CNTNAP4: variants seen among roughly 807,000 people sequenced by gnomAD.
CNTNAP4 encodes the protein contactin associated protein family member 4, also known as contactin-associated protein-like 4.
CNTNAP4 carries 98 observed loss-of-function variants against 148.4 expected under a neutral mutation model. The observed-to-expected ratio is 0.66, with a 90% CI of 0.56 to 0.78. CNTNAP4 has a LOEUF of 0.78. Ranked by LOEUF, CNTNAP4 falls within the 30% of genes least tolerant of loss-of-function variation. The probability of loss-of-function intolerance (pLI) is 0.00; values close to 1 mark genes in which losing one functional copy is unlikely to be tolerated. For missense variants in CNTNAP4, 1,935 were observed against 1,565.6 expected (o/e 1.24, Z -3.98); for synonymous variants, 730 against 565.1 (o/e 1.29, Z -4.14).
chr16:76,424,374 C>A (rs2079302173), intron 3 of CNTNAP4, among the ~76,000 whole-genome samples: 1 of 152,096 alleles, frequency 6.6e-6, no homozygotes, highest in African/African-American at 2.4e-5. Context: ...GCCAGTGGCA[C>A]CTAGGAAATA....
rs569313218 is a variant in CNTNAP4 at position 76,321,305 on chromosome 16, G to A, written c.196+4782G>A. Among the ~76,000 whole-genome samples, 8 of 152,190 alleles carry A rather than the reference G, an allele frequency of 5.3e-5. No homozygotes were observed. In the South Asian group the frequency reaches 6.2e-4, roughly 12 times the overall value. On this transcript the variant is annotated intron_variant, in intron 2 of 23. Transcript: ENST00000611870. ...GAATAATTATAGCAATCTATATAGCGTTGTTTGGCAATTTTGACTGCCCTA... is the reference window on the plus strand; with the variant it reads ...GAATAATTATAGCAATCTATATAGCATTGTTTGGCAATTTTGACTGCCCTA...
At chr16:76,463,271 A>G (rs1366169253) in intron 9 of CNTNAP4, among the ~76,000 whole-genome samples, 1 of 152,194 alleles carries the variant, frequency 6.6e-6, no homozygotes, top group East Asian at 1.9e-4. Context: ...TAGAAGCAGT[A>G]AAAGAGATAA....
At chr16:76,474,682 G>GA (rs751329141) in intron 10 of CNTNAP4, among the ~76,000 whole-genome samples, 69 of 151,988 alleles carry the variant, frequency 4.5e-4, no homozygotes, top group Admixed American at 7.9e-4. Flanking sequence ...AATCCTAAAA[G>GA]GCATCAAAAA....
intron 17 of CNTNAP4, among the ~76,000 whole-genome samples, chr16:76,525,001 A>G (rs1410748105): frequency 3.3e-5 from 5 of 152,066 alleles, no homozygotes; most frequent in Non-Finnish European, 5.9e-5. Context: ...AGTCTTGGGT[A>G]GAGAAAATTA....
At chr16:76,416,271 C>G (rs556731555) in intron 3 of CNTNAP4, among the ~76,000 whole-genome samples, 256 of 151,242 alleles carry the variant, frequency 1.7e-3, no homozygotes, top group African/African-American at 6.0e-3. Context: ...ATTCTTTGTG[C>G]TCTAATTTTT....
intron 3 of CNTNAP4, among the ~76,000 whole-genome samples, chr16:76,386,217 T>C (rs891014743): frequency 6.6e-6 from 1 of 152,208 alleles, no homozygotes; most frequent in Admixed American, 6.5e-5. Context: ...AGAACTGTAA[T>C]TTACTATTTG....
chr16:76,483,846 G>C (rs967106350), intron 12 of CNTNAP4, among the ~76,000 whole-genome samples: 1 of 152,106 alleles, frequency 6.6e-6, no homozygotes, highest in Non-Finnish European at 1.5e-5. Flanking sequence ...AAGCATTGGG[G>C]TTACAAATAA....
intron 1 of CNTNAP4, among the ~76,000 whole-genome samples, chr16:76,311,104 G>A (rs1195952977): frequency 6.6e-6 from 1 of 151,976 alleles, no homozygotes; most frequent in African/African-American, 2.4e-5. Context: ...TATTATCTTA[G>A]TACAGGTAAT....
chr16:76,346,284 A>G (rs952259999), intron 2 of CNTNAP4, among the ~76,000 whole-genome samples: 2 of 152,128 alleles, frequency 1.3e-5, no homozygotes, highest in Admixed American at 6.6e-5. Context: ...TTGATATACT[A>G]TGCCCTAGTA....
At chr16:76,280,770 A>T (rs1055136284) in intron 1 of CNTNAP4, among the ~76,000 whole-genome samples, 27 of 152,106 alleles carry the variant, frequency 1.8e-4, no homozygotes. Context: ...GCTTGCTACT[A>T]AGAGACATGC....
At chr16:76,457,605 A>G (rs113014467) in intron 8 of CNTNAP4, among the ~76,000 whole-genome samples, 2,989 of 152,210 alleles carry the variant, frequency 0.02, 102 homozygotes, top group African/African-American at 0.069. Context: ...ATGACTGCCC[A>G]GAGCCCTGCT....
At chr16:76,285,796 G>A (rs760135760) in intron 1 of CNTNAP4, among the ~76,000 whole-genome samples, 15 of 151,574 alleles carry the variant, frequency 9.9e-5, no homozygotes, top group Non-Finnish European at 1.5e-4. Context: ...ATAAGGACAC[G>A]GATAAACTCT....
intron 1 of CNTNAP4, among the ~76,000 whole-genome samples, chr16:76,314,972 G>C (rs189801861): frequency 6.6e-6 from 1 of 151,800 alleles, no homozygotes; most frequent in Admixed American, 6.6e-5. Context: ...ACTTAGCTTT[G>C]CTTTTTAAGA....
chr16:76,326,419 G>T (rs1024520432), intron 2 of CNTNAP4, among the ~76,000 whole-genome samples: 6 of 152,122 alleles, frequency 3.9e-5, no homozygotes, highest in Non-Finnish European at 2.9e-5. Flanking sequence ...GCCCAGCAGG[G>T]GATGGACGGA....
chr16:76,377,893 G>T (rs1392574457), intron 3 of CNTNAP4, among the ~76,000 whole-genome samples: 3 of 152,150 alleles, frequency 2.0e-5, no homozygotes, highest in Non-Finnish European at 4.4e-5. Context: ...TTTCAGGTGG[G>T]ATGAATTCAC....
intron 21 of CNTNAP4, among the ~76,000 whole-genome samples, chr16:76,545,033 T>G (rs1427802674): frequency 6.6e-6 from 1 of 152,238 alleles, no homozygotes; most frequent in Non-Finnish European, 1.5e-5. Context: ...TTAAGGGAAC[T>G]GTGATTTTAT....
At chr16:76,364,432 A>G (rs1249977637) in intron 3 of CNTNAP4, among the ~76,000 whole-genome samples, 1 of 152,136 alleles carries the variant, frequency 6.6e-6, no homozygotes, top group East Asian at 1.9e-4. Flanking sequence ...GCCTCTTCAG[A>G]GTGTACACCC....
chr16:76,293,717 G>A (rs369705252), intron 1 of CNTNAP4, among the ~76,000 whole-genome samples: 1 of 151,544 alleles, frequency 6.6e-6, no homozygotes, highest in East Asian at 1.9e-4. Flanking sequence ...GAAAATAAAA[G>A]AATTTAATCA....
intron 1 of CNTNAP4, among the ~76,000 whole-genome samples, chr16:76,306,439 C>T (rs935191296): frequency 5.3e-5 from 8 of 152,228 alleles, no homozygotes; most frequent in Middle Eastern, 3.4e-3. Flanking sequence ...CAAAATCCCA[C>T]GTGAATGCAA....
Sources: allele counts gnomAD v4.1 joint callset (sites outside exome capture counted in the v4.1 genomes callset), GRCh38; gene constraint gnomAD v4.1.1; transcripts MANE v1.5; gene names NCBI Gene and HGNC (gene_info 2026-07-23, HGNC 2026-07-21).